Variants in COP1 observed in about 807,000 individuals in gnomAD.
COP1 encodes COP1 E3 ubiquitin ligase.
In COP1, 24 loss-of-function variants were observed where a neutral mutation model predicts 101.3. The observed-to-expected ratio is 0.24, with a 90% CI of 0.17 to 0.33. The LOEUF is 0.33. COP1 is among the 10% of genes least tolerant of loss of function. The probability of loss-of-function intolerance (pLI) is 1.00; values close to 1 mark genes in which losing one functional copy is unlikely to be tolerated. For synonymous variants in COP1, 347 were observed against 341.9 expected (o/e 1.01, Z -0.17); for missense variants, 663 against 906.2 (o/e 0.73, Z 3.45).
intron 5 of COP1, among the ~76,000 whole-genome samples, chr1:176,160,569 T>A (rs555201584): frequency 1.3e-4 from 19 of 151,314 alleles, no homozygotes; most frequent in Non-Finnish European, 1.3e-4. Context: ...TTGAACAAAT[T>A]TACAGGAAAA....
At chr1:176,002,286 T>C (rs1363743702) in intron 15 of COP1, among the ~76,000 whole-genome samples, 1 of 152,100 alleles carries the variant, frequency 6.6e-6, no homozygotes, top group African/African-American at 2.4e-5. Flanking sequence ...CTTTGTATTC[T>C]TTACAATGGA....
At chr1:176,122,553 AG>A (rs904992026) in intron 8 of COP1, among the ~76,000 whole-genome samples, 4 of 152,146 alleles carry the variant, frequency 2.6e-5, no homozygotes, top group Non-Finnish European at 4.4e-5. Context: ...GGAAAGACAT[AG>A]GGGTAATTTA....
intron 14 of COP1, among the ~76,000 whole-genome samples, chr1:176,037,850 G>A (rs1000766258): frequency 1.8e-4 from 28 of 152,130 alleles, no homozygotes; most frequent in African/African-American, 6.3e-4. Flanking sequence ...ATGAAAAGCT[G>A]CAAGATTTCC....
chr1:176,011,705 T>G (rs1419743885), intron 15 of COP1, among the ~76,000 whole-genome samples: 2 of 152,210 alleles, frequency 1.3e-5, no homozygotes, highest in Non-Finnish European at 2.9e-5. Flanking sequence ...AATGCACTTA[T>G]ATACAGTCAC....
chr1:176,164,950 A>G (rs1254877891), intron 3 of COP1, among the ~76,000 whole-genome samples: 2 of 152,218 alleles, frequency 1.3e-5, no homozygotes, highest in East Asian at 3.9e-4. Context: ...CACAGAGAGC[A>G]TAAGTAACTT....
chr1:176,037,782 C>T (rs955496065), intron 14 of COP1, among the ~76,000 whole-genome samples: 2 of 152,060 alleles, frequency 1.3e-5, no homozygotes, highest in Non-Finnish European at 2.9e-5. Context: ...TGGAAAAGAA[C>T]GTCTTTAAAT....
intron 8 of COP1, among the ~76,000 whole-genome samples, chr1:176,127,162 T>C (rs1241880570): frequency 6.6e-6 from 1 of 152,188 alleles, no homozygotes; most frequent in Non-Finnish European, 1.5e-5. Flanking sequence ...CATTGTGAAA[T>C]GATCAGAGTA....
At chr1:175,984,130 T>A (rs1201092277) in intron 18 of COP1, among the ~76,000 whole-genome samples, 1 of 152,172 alleles carries the variant, frequency 6.6e-6, no homozygotes, top group African/African-American at 2.4e-5. Flanking sequence ...ACGGGGAAAA[T>A]GTCTCCAGGA....
chr1:175,996,438 G>A (rs1316931808), intron 15 of COP1, among the ~76,000 whole-genome samples: 2 of 151,890 alleles, frequency 1.3e-5, no homozygotes, highest in Non-Finnish European at 2.9e-5. Flanking sequence ...TATTCAATTA[G>A]GAAAAGAGGA....
At chr1:175,997,568 C>T (rs1180396183) in intron 15 of COP1, among the ~76,000 whole-genome samples, 1 of 151,994 alleles carries the variant, frequency 6.6e-6, no homozygotes, top group African/African-American at 2.4e-5. Context: ...AACAAACAAC[C>T]CCATGAAAAA....
At chr1:176,002,336 CTTTTT>C (rs951962239) in intron 15 of COP1, among the ~76,000 whole-genome samples, 4 of 151,754 alleles carry the variant, frequency 2.6e-5, no homozygotes, top group East Asian at 3.9e-4. Flanking sequence ...CTGATTCTTT[CTTTTT>C]TAGTTTTTAT....
rs149208922 is a variant in COP1, at chr1:176,128,199, C to T, written c.968+6811G>A. Among the ~76,000 whole-genome samples the T allele has an allele frequency of 2.7e-3, 406 of 152,146 alleles. 3 individuals are homozygous for T. The highest frequency in any genetic ancestry group is 9.2e-3 in the African/African-American group (381 of 41,540). Reference sequence around the variant, plus strand: ...GGGTTCTAACACAGTGTTTTATACACGCTGGCTCAAATACTGGCTGAATGA... The same window carrying T: ...GGGTTCTAACACAGTGTTTTATACATGCTGGCTCAAATACTGGCTGAATGA... On this transcript the variant is annotated intron_variant, in intron 8 of 19. Coordinates refer to ENST00000367669, the MANE Select transcript of COP1 (RefSeq NM_022457.7).
chr1:176,005,948 G>T (rs1663077659), intron 15 of COP1, among the ~76,000 whole-genome samples: 1 of 152,090 alleles, frequency 6.6e-6, no homozygotes, highest in South Asian at 2.1e-4. Flanking sequence ...TGACAGTGGG[G>T]TGTTAAATCT....
intron 9 of COP1, among the ~76,000 whole-genome samples, chr1:176,099,483 G>GA (rs1359595552): frequency 3.3e-5 from 5 of 149,294 alleles, no homozygotes; most frequent in Admixed American, 1.4e-4. Flanking sequence ...ACACTCCTGT[G>GA]AAAAAAATTT....
At chr1:176,110,130 C>T (rs560221227) in intron 9 of COP1, among the ~76,000 whole-genome samples, 6 of 152,214 alleles carry the variant, frequency 3.9e-5, no homozygotes, top group Admixed American at 3.3e-4. Context: ...ACAATGCAGA[C>T]GATACTATTT....
At chr1:175,954,931 T>C (rs187840292) in intron 18 of COP1, among the ~76,000 whole-genome samples, 8 of 151,852 alleles carry the variant, frequency 5.3e-5, no homozygotes, top group African/African-American at 1.9e-4. Context: ...CATTAAAAAA[T>C]ATATATATAT....
At chr1:176,082,365 AAAGT>A (rs1490579152) in intron 10 of COP1, among the ~76,000 whole-genome samples, 1 of 152,338 alleles carries the variant, frequency 6.6e-6, no homozygotes, top group African/African-American at 2.4e-5. Flanking sequence ...AAGCATAATA[AAAGT>A]AAGATGCAAG....
intron 18 of COP1, among the ~76,000 whole-genome samples, chr1:175,951,276 A>G (rs1343523580): frequency 6.7e-6 from 1 of 150,320 alleles, no homozygotes; most frequent in Non-Finnish European, 1.5e-5. Context: ...ATAAATATAT[A>G]AAATATAATA....
intron 18 of COP1, among the ~76,000 whole-genome samples, chr1:175,960,781 T>C (rs1467817888): frequency 6.6e-6 from 1 of 152,182 alleles, no homozygotes; most frequent in African/African-American, 2.4e-5. Flanking sequence ...ACTCCTGATG[T>C]CCAAGGTAAC....
Sources: allele counts gnomAD v4.1 joint callset (sites outside exome capture counted in the v4.1 genomes callset), GRCh38; gene constraint gnomAD v4.1.1; transcripts MANE v1.5; gene names NCBI Gene and HGNC (gene_info 2026-07-23, HGNC 2026-07-21).